Variants in ARB2A observed in about 807,000 individuals in gnomAD.
ARB2A encodes ARB2 cotranscriptional regulator A.
At chr5:93,674,157 A>G in the ARB2A span, among the ~76,000 whole-genome samples, 2 of 152,172 alleles carry the variant, frequency 1.3e-5, no homozygotes, top group African/African-American at 2.4e-5. Context: ...TGAAATTTGT[A>G]AAGTTTCAAT....
At chr5:93,999,393 A>T in the ARB2A span, among the ~76,000 whole-genome samples, 5 of 152,170 alleles carry the variant, frequency 3.3e-5, no homozygotes, top group East Asian at 7.7e-4. Flanking sequence ...TGCACTAGTA[A>T]TCTATTGATG....
the ARB2A span, among the ~76,000 whole-genome samples, chr5:93,837,751 C>T: frequency 4.6e-5 from 7 of 152,084 alleles, no homozygotes; most frequent in Admixed American, 2.0e-4. Flanking sequence ...TTTCATTTCT[C>T]TAATGATTAC....
the ARB2A span, among the ~76,000 whole-genome samples, chr5:94,029,314 T>C: frequency 1.3e-5 from 2 of 152,190 alleles, no homozygotes; most frequent in Admixed American, 6.5e-5. Context: ...TCATATCTCC[T>C]TAATCATTTT....
the ARB2A span, among the ~76,000 whole-genome samples, chr5:93,691,194 G>C: frequency 6.6e-6 from 1 of 152,048 alleles, no homozygotes; most frequent in East Asian, 1.9e-4. Flanking sequence ...ATTGACAGAA[G>C]TAGGAGTCAG....
the ARB2A span, among the ~76,000 whole-genome samples, chr5:93,856,993 T>C: frequency 3.9e-5 from 6 of 152,226 alleles, no homozygotes; most frequent in African/African-American, 9.6e-5. Context: ...TTAGTTTTCC[T>C]TCTAACAGAC....
At chr5:93,744,953 G>A in the ARB2A span, among the ~76,000 whole-genome samples, 1 of 152,230 alleles carries the variant, frequency 6.6e-6, no homozygotes, top group Non-Finnish European at 1.5e-5. Context: ...GAAACTGTCA[G>A]TAGAGCAGGA....
the ARB2A span, among the ~76,000 whole-genome samples, chr5:93,780,073 T>C: frequency 2.0e-5 from 3 of 152,258 alleles, no homozygotes; most frequent in South Asian, 2.1e-4. Context: ...AGATGCTTAC[T>C]ACCTTGGTTG....
At chr5:93,921,138 T>A in the ARB2A span, among the ~76,000 whole-genome samples, 1 of 147,740 alleles carries the variant, frequency 6.8e-6, no homozygotes, top group East Asian at 2.0e-4. Flanking sequence ...GATAAATGAG[T>A]TCAGTGTAAA....
chr5:93,805,676 G>T, the ARB2A span: 1 of 985,128 alleles, frequency 1.0e-6, no homozygotes, highest in Non-Finnish European at 1.2e-6. Context: ...TTAAGGGGAA[G>T]AAATACAGCA....
At chr5:93,707,149 C>T in the ARB2A span, among the ~76,000 whole-genome samples, 5 of 151,940 alleles carry the variant, frequency 3.3e-5, no homozygotes, top group African/African-American at 1.2e-4. Context: ...CTTTCTTTGC[C>T]CAGAATTCAT....
chr5:93,949,229 AT>A, the ARB2A span, among the ~76,000 whole-genome samples: 1 of 151,982 alleles, frequency 6.6e-6, no homozygotes, highest in African/African-American at 2.4e-5. Context: ...CAGGCATACA[AT>A]AAGTAATAAT....
the ARB2A span, among the ~76,000 whole-genome samples, chr5:94,057,912 C>T: frequency 9.9e-5 from 15 of 152,080 alleles, no homozygotes; most frequent in African/African-American, 3.4e-4. Context: ...TCCAAGGTGG[C>T]TGGATTTGGA....
chr5:93,620,703 G>C, the ARB2A span: 1 of 295,976 alleles, frequency 3.4e-6, no homozygotes, highest in Non-Finnish European at 6.1e-6. Context: ...TTAGAGCTTC[G>C]CCGGCCGAGC....
At chr5:93,897,634 ATATAT>A in the ARB2A span, among the ~76,000 whole-genome samples, 1 of 151,896 alleles carries the variant, frequency 6.6e-6, no homozygotes, top group Non-Finnish European at 1.5e-5. Context: ...AAGATTAATT[ATATAT>A]TATAATACAA....
At chr5:93,777,905 G>A in the ARB2A span, among the ~76,000 whole-genome samples, 179 of 152,228 alleles carry the variant, frequency 1.2e-3, 6 homozygotes, top group South Asian at 0.037. Context: ...TCTGGGACCA[G>A]GGAGAGCAGG....
At chr5:93,720,412 T>C in the ARB2A span, among the ~76,000 whole-genome samples, 1 of 152,210 alleles carries the variant, frequency 6.6e-6, no homozygotes, top group Admixed American at 6.5e-5. Context: ...AATCTATAGT[T>C]CAGGGTTAAG....
At chr5:93,814,518 T>G in the ARB2A span, among the ~76,000 whole-genome samples, 1 of 152,352 alleles carries the variant, frequency 6.6e-6, no homozygotes, top group Non-Finnish European at 1.5e-5. Context: ...TCAGTTCATC[T>G]ATACAAATGG....
chr5:93,998,898 AG>A, the ARB2A span, among the ~76,000 whole-genome samples: 2 of 152,072 alleles, frequency 1.3e-5, no homozygotes, highest in African/African-American at 4.8e-5. Flanking sequence ...ATCCAAGAAA[AG>A]AAAAAGAAAT....
At chr5:94,072,487 A>T in the ARB2A span, among the ~76,000 whole-genome samples, 2 of 152,150 alleles carry the variant, frequency 1.3e-5, no homozygotes, top group Non-Finnish European at 2.9e-5. Context: ...AGATGTTACC[A>T]TTAGGCTATG....
Sources: allele counts gnomAD v4.1 joint callset (sites outside exome capture counted in the v4.1 genomes callset), GRCh38; gene constraint gnomAD v4.1.1; transcripts MANE v1.5; gene names NCBI Gene and HGNC (gene_info 2026-07-23, HGNC 2026-07-21).